Variants in CLXN observed in about 807,000 individuals in gnomAD.
CLXN encodes the protein calaxin.
chr8:48,734,178 C>T, the CLXN span, among the ~76,000 whole-genome samples: 1 of 152,258 alleles, frequency 6.6e-6, no homozygotes, highest in African/African-American at 2.4e-5. Flanking sequence ...ACTACATCAA[C>T]ATGTTTATTC....
the CLXN span, among the ~76,000 whole-genome samples, chr8:48,726,505 CATCCATCCATCCA>C: frequency 1.3e-5 from 2 of 150,016 alleles, no homozygotes; most frequent in Admixed American, 6.6e-5. Flanking sequence ...TCCATCCATC[CATCCATCCATCCA>C]ATCCATCCAT....
At chr8:48,734,125 T>C in the CLXN span, among the ~76,000 whole-genome samples, 1 of 152,182 alleles carries the variant, frequency 6.6e-6, no homozygotes, top group African/African-American at 2.4e-5. Flanking sequence ...TTAAATCAGA[T>C]ACTAATGATA....
chr8:48,711,726 A>C, the CLXN span: 1 of 152,218 alleles, frequency 6.6e-6, no homozygotes, highest in Non-Finnish European at 1.5e-5. Flanking sequence ...AGTGGAGGAT[A>C]TGTGGCGAGA....
At chr8:48,714,167 C>T in the CLXN span, among the ~76,000 whole-genome samples, 1 of 152,278 alleles carries the variant, frequency 6.6e-6, no homozygotes, top group Middle Eastern at 3.4e-3. Flanking sequence ...GCCTAGCAGT[C>T]GGGAGGTGAG....
chr8:48,731,734 T>A, the CLXN span, among the ~76,000 whole-genome samples: 1 of 152,066 alleles, frequency 6.6e-6, no homozygotes, highest in African/African-American at 2.4e-5. Flanking sequence ...ACGATAGTAT[T>A]AGCCAAGTTA....
the CLXN span, among the ~76,000 whole-genome samples, chr8:48,713,006 AAAAG>A: frequency 1.3e-5 from 2 of 151,894 alleles, no homozygotes; most frequent in South Asian, 2.1e-4. Context: ...AAAAAAAAAA[AAAAG>A]AAAGAAAAAG....
the CLXN span, chr8:48,711,183 TTA>T: frequency 1.3e-5 from 2 of 152,202 alleles, no homozygotes; most frequent in East Asian, 1.9e-4. Context: ...TTATAATTTA[TTA>T]TGTTTGCCAC....
chr8:48,733,107 A>G, the CLXN span, among the ~76,000 whole-genome samples: 1 of 152,162 alleles, frequency 6.6e-6, no homozygotes, highest in Non-Finnish European at 1.5e-5. Flanking sequence ...TTCATGTTAT[A>G]TGTAACCACA....
chr8:48,732,961 T>A, the CLXN span, among the ~76,000 whole-genome samples: 5 of 152,090 alleles, frequency 3.3e-5, no homozygotes, highest in Admixed American at 3.3e-4. Flanking sequence ...GAATGGTGAG[T>A]TAACATTTAA....
chr8:48,711,819 C>G, the CLXN span: 1 of 152,178 alleles, frequency 6.6e-6, no homozygotes, highest in Non-Finnish European at 1.5e-5. Context: ...CTAGTTGAGA[C>G]ACATAGGACG....
At chr8:48,726,102 TACCCACCCACTC>T in the CLXN span, among the ~76,000 whole-genome samples, 1 of 105,028 alleles carries the variant, frequency 9.5e-6, no homozygotes, top group Non-Finnish European at 2.0e-5. Context: ...CCCATCCATC[TACCCACCCACTC>T]CATCCATCCA....
the CLXN span, among the ~76,000 whole-genome samples, chr8:48,716,925 C>A: frequency 6.6e-6 from 1 of 152,176 alleles, no homozygotes; most frequent in Non-Finnish European, 1.5e-5. Context: ...CTTCCCAAAT[C>A]TTGGGAGAGA....
the CLXN span, among the ~76,000 whole-genome samples, chr8:48,718,897 G>C: frequency 1.3e-5 from 2 of 151,842 alleles, no homozygotes; most frequent in African/African-American, 4.8e-5. Flanking sequence ...CAAAAAACCA[G>C]AAGAAAAGAA....
chr8:48,733,299 C>G, the CLXN span, among the ~76,000 whole-genome samples: 1 of 151,942 alleles, frequency 6.6e-6, no homozygotes, highest in Non-Finnish European at 1.5e-5. Context: ...AATTTATTAC[C>G]CAAAGGATCA....
At chr8:48,722,406 A>T in the CLXN span, among the ~76,000 whole-genome samples, 1 of 152,236 alleles carries the variant, frequency 6.6e-6, no homozygotes, top group Non-Finnish European at 1.5e-5. Flanking sequence ...CTACCATTTG[A>T]TCCAGAAATA....
chr8:48,725,040 C>A, the CLXN span, among the ~76,000 whole-genome samples: 4,946 of 152,258 alleles, frequency 0.032, 120 homozygotes, highest in Middle Eastern at 0.095. Context: ...AAGTCTCCAG[C>A]CTGGTGGCAG....
chr8:48,726,140 AT>A, the CLXN span, among the ~76,000 whole-genome samples: 1 of 141,946 alleles, frequency 7.0e-6, no homozygotes, highest in Non-Finnish European at 1.5e-5. Flanking sequence ...CCATCCATCC[AT>A]CCATCCATCC....
the CLXN span, chr8:48,730,495 T>A: frequency 7.7e-7 from 1 of 1,299,088 alleles, no homozygotes; most frequent in Non-Finnish European, 1.1e-6. Context: ...GCTTTAGATA[T>A]GTTATTCATA....
chr8:48,728,695 G>A, the CLXN span, among the ~76,000 whole-genome samples: 2 of 152,292 alleles, frequency 1.3e-5, no homozygotes, highest in South Asian at 2.1e-4. Flanking sequence ...GAACATACAA[G>A]TAATTAAGTA....
Sources: gnomAD v4.1 joint callset for allele counts (sites outside exome capture counted in the v4.1 genomes callset) on GRCh38, gnomAD v4.1.1 for gene constraint, MANE v1.5 for transcripts, NCBI Gene and HGNC (gene_info 2026-07-23, HGNC 2026-07-21) for gene names.